The following DDB1 variants were observed in gnomAD, a reference collection of about 807,000 sequenced individuals.
DDB1 encodes damage specific DNA binding protein 1, also known as DNA damage-binding protein 1.
Under a neutral mutation model 133.1 loss-of-function variants are expected in DDB1, and 18 were observed. That is an observed-to-expected ratio of 0.14 (90% CI 0.09 to 0.20). The LOEUF is 0.20. Among genes scored for constraint, DDB1 ranks in the 10% least tolerant of loss-of-function variants. The pLI is 1.00. For synonymous variants in DDB1, 580 were observed against 550.5 expected, an observed-to-expected ratio of 1.05 and a Z score of -0.75; for missense variants, 828 against 1,459.2, an observed-to-expected ratio of 0.57 and a Z score of 7.05.
chr11:61,302,850 G>A (rs1388101492), intron 23 of DDB1, 99 bp from the exon 24 acceptor site: 67 of 1,490,990 alleles, frequency 4.5e-5, no homozygotes, highest in Non-Finnish European at 5.8e-5. Flanking sequence ...AATTTCCCTG[G>A]GGAGCTGACA....
At chr11:61,311,702 C>G (rs1855973745) in intron 18 of DDB1, 82 bp downstream of exon 18, 2 of 1,289,362 alleles carry the variant, frequency 1.6e-6, no homozygotes, top group East Asian at 2.4e-5. Context: ...CCTGCAAAGC[C>G]GAAAGCCTTC....
chr11:61,313,849 A>C lies in DDB1; in HGVS notation c.1861+13T>G, dbSNP rs767514623. On this transcript the variant is annotated intron_variant, in intron 15 of 26. Transcript: ENST00000301764. Reference sequence around the variant, plus strand: ...TTTTTGAAAGAGTCCCTCACTCAAAATACTACTCTCACCTGTCTCAATGTT... The same window carrying C: ...TTTTTGAAAGAGTCCCTCACTCAAACTACTACTCTCACCTGTCTCAATGTT... 4.3e-6 allele frequency: 7 copies of C among 1,613,824 alleles called. No individual in the cohort carries two copies. The highest frequency in any genetic ancestry group is 5.9e-6 in the Non-Finnish European group (7 of 1,179,802).
intron 6 of DDB1, among the ~76,000 whole-genome samples, chr11:61,325,049 G>A (rs1856248084): frequency 6.6e-6 from 1 of 152,186 alleles, no homozygotes; most frequent in Non-Finnish European, 1.5e-5. Flanking sequence ...TAAGGAGGCT[G>A]AGGCAGGAGA....
chr11:61,320,929 A>C (rs1004113273), intron 10 of DDB1, among the ~76,000 whole-genome samples: 1 of 151,614 alleles, frequency 6.6e-6, no homozygotes, highest in African/African-American at 2.4e-5. Flanking sequence ...TGTCGCCCAA[A>C]CTAGAGTGCA....
At chr11:61,319,501 G>A (rs935215850) in intron 10 of DDB1, among the ~76,000 whole-genome samples, 17 of 151,400 alleles carry the variant, frequency 1.1e-4, no homozygotes, top group African/African-American at 3.9e-4. Context: ...GCACGATCTC[G>A]GCTCACTGCA....
intron 6 of DDB1, among the ~76,000 whole-genome samples, chr11:61,324,938 C>T (rs1033741374): frequency 5.9e-5 from 9 of 152,196 alleles, no homozygotes; most frequent in African/African-American, 1.9e-4. Context: ...CACCTGAGGT[C>T]GGGAGTTCAA....
intron 10 of DDB1, among the ~76,000 whole-genome samples, chr11:61,317,414 A>T (rs879005102): frequency 6.6e-6 from 1 of 152,006 alleles, no homozygotes; most frequent in Admixed American, 6.6e-5. Flanking sequence ...GCCGGGCCAA[A>T]AGTTAGATAA....
At chr11:61,311,952 C>T in intron 17 of DDB1, 37 bp downstream of exon 17, 5 of 1,613,746 alleles carry the variant, frequency 3.1e-6, no homozygotes, top group Non-Finnish European at 3.4e-6. Flanking sequence ...CACCCTACAC[C>T]AACCCCCACT....
intron 10 of DDB1, among the ~76,000 whole-genome samples, 153 bp from the exon 11 acceptor site, chr11:61,316,720 T>C (rs1856073635): frequency 6.6e-6 from 1 of 151,508 alleles, no homozygotes; most frequent in Non-Finnish European, 1.5e-5. Flanking sequence ...CCAGGAGTTC[T>C]AGACCAGCCT....
intron 19 of DDB1, 95 bp downstream of exon 19, chr11:61,310,200 C>G: frequency 6.6e-7 from 1 of 1,522,304 alleles, no homozygotes; most frequent in Non-Finnish European, 8.9e-7. Flanking sequence ...CTAGGACAGT[C>G]TGCCACATCT....
At chr11:61,329,819 T>C (rs1179300366) in intron 3 of DDB1, 139 bp downstream of exon 3, 1 of 806,880 alleles carries the variant, frequency 1.2e-6, no homozygotes, top group Non-Finnish European at 2.0e-6. Context: ...GAGTCCTTTC[T>C]CCAAAAAGCT....
chr11:61,302,499 A>G, intron 24 of DDB1, 83 bp downstream of exon 24: 1 of 1,593,586 alleles, frequency 6.3e-7, no homozygotes, highest in South Asian at 1.1e-5. Flanking sequence ...TAGGTCTTGT[A>G]CAGTTGCTCT....
At position 61,310,043 on chromosome 11, in the gene DDB1, G is replaced by A. The variant is rs567786945; in HGVS notation, c.2402-83C>T. 4.4e-6 allele frequency: 7 copies of A among 1,577,790 alleles called. No individual in the cohort carries two copies. In the East Asian group the frequency reaches 6.7e-5, roughly 15 times the overall value. Reference sequence around the variant, plus strand: ...TAACCCCGTATTTCTGAGGCCTGTGGCTTAGGCAGTGACAAAGCGTGTACC... The same window carrying A: ...TAACCCCGTATTTCTGAGGCCTGTGACTTAGGCAGTGACAAAGCGTGTACC... On this transcript the variant is annotated intron_variant, in intron 19 of 26. Transcript: ENST00000301764.
chr11:61,325,487 T>C, intron 6 of DDB1, 124 bp downstream of exon 6: 2 of 766,794 alleles, frequency 2.6e-6, no homozygotes, highest in South Asian at 1.8e-5. Context: ...CAATACCTTA[T>C]ATACATAGTA....
chr11:61,303,750 C>A lies in DDB1; in HGVS notation c.2832+115G>T, dbSNP rs145854471. On this transcript the variant is annotated intron_variant, in intron 22 of 26. Transcript: ENST00000301764. ...CTTAATCAATGTAGAATGTCTGCTC[C>A]GGGGAAAACATTTCTGCCCCTAATA... is the stretch of plus-strand genomic sequence containing the variant. 2.2e-5 allele frequency: 24 copies of A among 1,098,110 alleles called. No individual in the cohort carries two copies. In the East Asian group the frequency reaches 5.8e-4, roughly 27 times the overall value. 68.0% of individuals were successfully genotyped at this position (1,098,110 alleles called of 1,614,324 possible).
At position 61,316,238 on chromosome 11, in the gene DDB1, G is replaced by C. The variant is rs759907257; in HGVS notation, c.1410+47C>G. 3 of 1,535,298 alleles carry C rather than the reference G, an allele frequency of 2.0e-6. No homozygotes were observed. The East Asian group carries it at 6.7e-5, about 35-fold the overall frequency. On this transcript the variant is annotated intron_variant, in intron 12 of 26. Transcript: ENST00000301764. ...CCAGTGGTGCTCTGTACTGCATCTAGGTCAATTCAAGTATATGGTAACACC... is the reference window on the plus strand; with the variant it reads ...CCAGTGGTGCTCTGTACTGCATCTACGTCAATTCAAGTATATGGTAACACC...
chr11:61,311,669 C>A, intron 18 of DDB1, 115 bp downstream of exon 18: 1 of 842,630 alleles, frequency 1.2e-6, no homozygotes, highest in Non-Finnish European at 1.8e-6. Flanking sequence ...GTTGAACAGT[C>A]AGTGGTAACT....
At chr11:61,307,616 T>C (rs920104318) in intron 21 of DDB1, among the ~76,000 whole-genome samples, 1 of 152,246 alleles carries the variant, frequency 6.6e-6, no homozygotes, top group African/African-American at 2.4e-5. Context: ...TCTTAGGTGA[T>C]GTCATCCAGA....
At chr11:61,317,108 T>C (rs1856099936) in intron 10 of DDB1, among the ~76,000 whole-genome samples, 1 of 150,632 alleles carries the variant, frequency 6.6e-6, no homozygotes, top group Non-Finnish European at 1.5e-5. Context: ...AATAGTTTTG[T>C]TTTGTTTGTT....
Sources: allele counts gnomAD v4.1 joint callset (sites outside exome capture counted in the v4.1 genomes callset), GRCh38; gene constraint gnomAD v4.1.1; transcripts MANE v1.5; gene names NCBI Gene and HGNC (gene_info 2026-07-23, HGNC 2026-07-21).